FBXL20: variants seen among roughly 807,000 people sequenced by gnomAD.
The protein encoded by FBXL20 is F-box/LRR-repeat protein 20.
In FBXL20, 11 loss-of-function variants were observed where a neutral mutation model predicts 64.0. That is an observed-to-expected ratio of 0.17 (90% CI 0.11 to 0.28). The LOEUF (loss-of-function observed/expected upper bound fraction) is 0.28, where lower values mean the gene tolerates loss of function less well. Ranked by LOEUF, FBXL20 falls within the 10% of genes least tolerant of loss-of-function variation. The pLI is 1.00. For missense variants in FBXL20, 303 were observed against 526.2 expected (o/e 0.58, Z 4.15); for synonymous variants, 184 against 189.0 (o/e 0.97, Z 0.22).
intron 6 of FBXL20, among the ~76,000 whole-genome samples, chr17:39,288,870 A>G (rs907469103): frequency 6.6e-6 from 1 of 151,952 alleles, no homozygotes; most frequent in Non-Finnish European, 1.5e-5. Context: ...CACTCGGCTA[A>G]TTTTTTGTAT....
chr17:39,341,999 T>C (rs992597826), intron 2 of FBXL20, among the ~76,000 whole-genome samples: 7 of 152,230 alleles, frequency 4.6e-5, no homozygotes, highest in Non-Finnish European at 8.8e-5. Context: ...ATGGATTTAC[T>C]GAACAGCCTT....
rs145123057 is a variant in FBXL20 at position 39,292,517 on chromosome 17, C to T, written c.398+4610G>A. On this transcript the variant is annotated intron_variant, in intron 6 of 14. Coordinates refer to ENST00000264658, the MANE Select transcript of FBXL20 (RefSeq NM_032875.3). ...CAAGTGATCCTCCTGCCTCAGCCTA[C>T]CAAGTAGCTGGGATTACAGGAGCAT... Among the ~76,000 whole-genome samples the T allele has an allele frequency of 5.6e-4, 86 of 152,248 alleles. 1 individual carries two copies. Among genetic ancestry groups the T allele is most frequent in the Non-Finnish European group, 1.0e-3 (70 of 68,010 alleles).
At chr17:39,346,535 T>C (rs916537674) in intron 1 of FBXL20, among the ~76,000 whole-genome samples, 1 of 151,994 alleles carries the variant, frequency 6.6e-6, no homozygotes, top group Admixed American at 6.6e-5. Context: ...AAGTAAAAGA[T>C]GACGCAGTTG....
chr17:39,283,901 C>G (rs1391835364), intron 7 of FBXL20, among the ~76,000 whole-genome samples: 3 of 143,918 alleles, frequency 2.1e-5, no homozygotes, highest in African/African-American at 8.5e-5. Context: ...AGAAAAGATC[C>G]AGAAGATAAA....
At chr17:39,337,192 T>C (rs2047531394) in intron 2 of FBXL20, among the ~76,000 whole-genome samples, 1 of 152,198 alleles carries the variant, frequency 6.6e-6, no homozygotes, top group Non-Finnish European at 1.5e-5. Context: ...TTCGCTGTGT[T>C]GGCCGGGCTG....
intron 1 of FBXL20, among the ~76,000 whole-genome samples, chr17:39,395,683 T>C (rs2048176281): frequency 6.6e-6 from 1 of 152,242 alleles, no homozygotes; most frequent in Admixed American, 6.5e-5. Flanking sequence ...GAAAAATATA[T>C]ACCATTTTCA....
At chr17:39,290,027 A>AAAAAT (rs1567865662) in intron 6 of FBXL20, among the ~76,000 whole-genome samples, 4 of 150,324 alleles carry the variant, frequency 2.7e-5, no homozygotes, top group African/African-American at 9.8e-5. Flanking sequence ...AAAAAAAAAA[A>AAAAAT]ATTCTATGTT....
At chr17:39,272,152 C>T (rs1322113239) in intron 10 of FBXL20, among the ~76,000 whole-genome samples, 1 of 151,766 alleles carries the variant, frequency 6.6e-6, no homozygotes, top group Non-Finnish European at 1.5e-5. Context: ...TTTGGGAGGC[C>T]GAGGCAGGCG....
chr17:39,401,030 GTGA>G (rs1233728328), intron 1 of FBXL20, among the ~76,000 whole-genome samples: 1 of 152,244 alleles, frequency 6.6e-6, no homozygotes, highest in African/African-American at 2.4e-5. Context: ...GACCGGAGCC[GTGA>G]TGGCTGGGTG....
intron 7 of FBXL20, 78 bp from the exon 8 acceptor site, chr17:39,282,933 T>C: frequency 6.5e-7 from 1 of 1,538,046 alleles, no homozygotes; most frequent in Non-Finnish European, 9.0e-7. Flanking sequence ...TTATTGGCTA[T>C]TTAGTAAAGG....
intron 10 of FBXL20, among the ~76,000 whole-genome samples, chr17:39,271,742 T>C (rs2046846114): frequency 6.6e-6 from 1 of 152,088 alleles, no homozygotes; most frequent in Admixed American, 6.6e-5. Flanking sequence ...GAAGCTGAGC[T>C]GGCAGCCATT....
chr17:39,375,388 C>T (rs1441441875), intron 1 of FBXL20, among the ~76,000 whole-genome samples: 2 of 151,924 alleles, frequency 1.3e-5, no homozygotes, highest in East Asian at 3.9e-4. Flanking sequence ...AAAATTTCAC[C>T]CCTCCATAAA....
chr17:39,317,055 A>G (rs372528722), intron 2 of FBXL20, among the ~76,000 whole-genome samples: 17 of 152,346 alleles, frequency 1.1e-4, no homozygotes, highest in East Asian at 5.8e-4. Context: ...GCATAATTTA[A>G]TATCTTAGAA....
At chr17:39,378,696 G>A (rs1045202632) in intron 1 of FBXL20, among the ~76,000 whole-genome samples, 2 of 151,194 alleles carry the variant, frequency 1.3e-5, no homozygotes, top group Non-Finnish European at 2.9e-5. Context: ...TGCAACCTCT[G>A]TCTCTTGGGT....
At chr17:39,332,668 A>C (rs963209203) in intron 2 of FBXL20, among the ~76,000 whole-genome samples, 4 of 150,986 alleles carry the variant, frequency 2.6e-5, no homozygotes, top group African/African-American at 9.8e-5. Context: ...CAGCCTCCCA[A>C]GTAGCTGGGA....
chr17:39,333,790 GGC>G (rs1202707757), intron 2 of FBXL20, among the ~76,000 whole-genome samples: 1 of 151,368 alleles, frequency 6.6e-6, no homozygotes, highest in Non-Finnish European at 1.5e-5. Context: ...GCCTCTGCCC[GGC>G]CGCGACCCCG....
At chr17:39,395,354 G>A (rs2048172923) in intron 1 of FBXL20, among the ~76,000 whole-genome samples, 1 of 152,174 alleles carries the variant, frequency 6.6e-6, no homozygotes, top group Admixed American at 6.5e-5. Context: ...AACCTGGGAG[G>A]TGGAGACTTC....
intron 6 of FBXL20, among the ~76,000 whole-genome samples, chr17:39,293,829 TA>T (rs1231227477): frequency 8.1e-6 from 1 of 123,658 alleles, no homozygotes; most frequent in African/African-American, 4.6e-5. Context: ...CTGTAGCCTT[TA>T]TTTTTTTTTT....
intron 6 of FBXL20, among the ~76,000 whole-genome samples, chr17:39,286,792 CTG>C (rs1160507337): frequency 2.6e-5 from 4 of 151,664 alleles, no homozygotes; most frequent in Non-Finnish European, 4.4e-5. Context: ...GAGTGAAACT[CTG>C]TCTCAAAAAA....
Sources: gnomAD v4.1 joint callset for allele counts (sites outside exome capture counted in the v4.1 genomes callset) on GRCh38, gnomAD v4.1.1 for gene constraint, MANE v1.5 for transcripts, NCBI Gene and HGNC (gene_info 2026-07-23, HGNC 2026-07-21) for gene names.